NR1I2: variants seen among roughly 807,000 people sequenced by gnomAD.
The protein encoded by NR1I2 is orphan nuclear receptor PAR1.
In NR1I2, 42 loss-of-function variants were observed where a neutral mutation model predicts 43.3. That is an observed-to-expected ratio of 0.97 (90% CI 0.76 to 1.26). The LOEUF (loss-of-function observed/expected upper bound fraction) is 1.26. Among genes scored for constraint, NR1I2 ranks in the 50% most tolerant of loss-of-function variants. The pLI, the probability that NR1I2 is intolerant of heterozygous loss-of-function variation, is 0.00. For synonymous variants in NR1I2, 229 were observed against 215.0 expected, an observed-to-expected ratio of 1.06 and a Z score of -0.57; for missense variants, 559 against 566.7, an observed-to-expected ratio of 0.99 and a Z score of 0.14.
intron 1 of NR1I2, among the ~76,000 whole-genome samples, chr3:119,801,926 G>A (rs899668058): frequency 3.9e-5 from 6 of 152,188 alleles, no homozygotes; most frequent in African/African-American, 1.4e-4. Flanking sequence ...TGGTCTCTTT[G>A]GGTGGTCACT....
chr3:119,818,444 T>C lies in NR1I2; in HGVS notation c.*1232T>C, dbSNP rs3814058. On this transcript the variant is annotated 3_prime_UTR_variant, in exon 9 of 9. Transcript: ENST00000393716. ...GGGAAATGTAGCCCTGGGTTTAATGTCAAATCAAGGCAAAAGGAATTAAAT... is the reference window on the plus strand; with the variant it reads ...GGGAAATGTAGCCCTGGGTTTAATGCCAAATCAAGGCAAAAGGAATTAAAT... The C allele has an allele frequency of 0.2, 193,377 of 983,836 alleles. 22,029 individuals carry two copies. The highest frequency in any genetic ancestry group is 0.49 in the East Asian group (4,265 of 8,780). The allele number at this position is 983,836 out of a possible 1,614,324, so 60.9% of individuals were successfully genotyped here. A position where few individuals can be genotyped will look rare whatever the true frequency, so the allele number is the denominator to read the frequency against.
chr3:119,805,975 T>C (rs1282896851), intron 1 of NR1I2, among the ~76,000 whole-genome samples: 1 of 152,252 alleles, frequency 6.6e-6, no homozygotes, highest in African/African-American at 2.4e-5. Context: ...AGGGCCAGGG[T>C]CAGAGACAGA....
intron 1 of NR1I2, among the ~76,000 whole-genome samples, chr3:119,797,198 G>GTGTGTGTGTGTGTC (rs1189442236): frequency 6.6e-6 from 1 of 150,606 alleles, no homozygotes; most frequent in Admixed American, 6.6e-5. Flanking sequence ...GTGTGTGTGT[G>GTGTGTGTGTGTGTC]TGTGTGTGTG....
chr3:119,817,160 AC>A lies in NR1I2; in HGVS notation c.1257del (p.Phe420LeufsTer63). ...CGGCTGCTGCGCATCCAGGACATAC[AC>A]CCCTTTGCTACGCCCCTCATGCAGG... is the stretch of plus-strand genomic sequence containing the variant. On this transcript the variant is annotated frameshift_variant, in exon 9 of 9. Transcript: ENST00000393716. LOFTEE classifies it high-confidence loss of function. The A allele has an allele frequency of 6.2e-7, 1 of 1,613,834 alleles. No individual in the cohort carries two copies. Among genetic ancestry groups the A allele is most frequent in the Non-Finnish European group, 8.5e-7 (1 of 1,179,970 alleles).
intron 2 of NR1I2, 136 bp downstream of exon 2, chr3:119,807,583 A>G: frequency 1.4e-6 from 1 of 724,794 alleles, no homozygotes; most frequent in South Asian, 1.5e-5. Context: ...AATTAGTCTC[A>G]AGGGAGCCAT....
At chr3:119,804,772 C>T (rs1559787529) in intron 1 of NR1I2, among the ~76,000 whole-genome samples, 1 of 152,120 alleles carries the variant, frequency 6.6e-6, no homozygotes, top group Non-Finnish European at 1.5e-5. Flanking sequence ...TACCATACAT[C>T]TGTGTTTTCT....
Position 119,791,626 on chromosome 3 carries a change from AC to A in NR1I2, c.-23+9328del, listed in dbSNP as rs1433245544. Among the ~76,000 whole-genome samples, 50 of 152,262 alleles carry A rather than the reference AC, an allele frequency of 3.3e-4. 1 individual carries two copies. Among genetic ancestry groups the A allele is most frequent in the Admixed American group, 1.3e-3 (20 of 15,296 alleles). On this transcript the variant is annotated intron_variant, in intron 1 of 8. Coordinates refer to ENST00000393716, the MANE Select transcript of NR1I2 (RefSeq NM_003889.4). ...CTTCCAAATCTCATGTTGAAATATG[AC>A]CTCTAGGCCGGGCTCAGTGGCTCAC...
At chr3:119,796,602 T>G (rs2055003177) in intron 1 of NR1I2, among the ~76,000 whole-genome samples, 1 of 152,136 alleles carries the variant, frequency 6.6e-6, no homozygotes, top group Non-Finnish European at 1.5e-5. Context: ...TTCACACACA[T>G]TTTCTTTCAA....
intron 1 of NR1I2, among the ~76,000 whole-genome samples, chr3:119,804,146 C>G (rs1474857906): frequency 2.6e-5 from 4 of 151,062 alleles, no homozygotes; most frequent in Non-Finnish European, 5.9e-5. Flanking sequence ...CCAAGGTGGG[C>G]AGATAACGAG....
At chr3:119,812,316 T>C (rs993031390) in intron 4 of NR1I2, among the ~76,000 whole-genome samples, 1 of 152,170 alleles carries the variant, frequency 6.6e-6, no homozygotes, top group African/African-American at 2.4e-5. Flanking sequence ...ACCTCAGATC[T>C]GCTCTTCCCA....
intron 1 of NR1I2, among the ~76,000 whole-genome samples, chr3:119,785,492 C>T (rs879002194): frequency 6.6e-6 from 1 of 152,198 alleles, no homozygotes; most frequent in African/African-American, 2.4e-5. Context: ...CTACCCAGAG[C>T]CAAGGCTGAG....
chr3:119,800,492 T>C (rs983392510), intron 1 of NR1I2, among the ~76,000 whole-genome samples: 3 of 152,254 alleles, frequency 2.0e-5, no homozygotes, highest in South Asian at 2.1e-4. Context: ...TACTTTTCCA[T>C]AGATCACAGT....
Position 119,815,801 on chromosome 3 carries a change from T to G in NR1I2, c.1130T>G (p.Ile377Ser). Residue 377 changes from isoleucine to serine, a missense_variant, in exon 8 of 9, where the codon ATT (isoleucine) becomes AGT (serine). By Grantham distance (142) the Ile-to-Ser change is moderately radical. Coordinates refer to ENST00000393716, the MANE Select transcript of NR1I2 (RefSeq NM_003889.4). ...TTCGCCATTACTCTGAAGTCCTACA[T>G]TGAATGCAATCGGCCCCAGCCTGCT... 1.2e-6 allele frequency: 2 copies of G among 1,613,062 alleles called. No individual in the cohort carries two copies. The highest frequency in any genetic ancestry group is 1.7e-6 in the Non-Finnish European group (2 of 1,179,562).
In NR1I2 at chr3:119,818,222, G is replaced by C. The variant is rs759334805; in HGVS notation, c.*1010G>C. The C allele has an allele frequency of 1.0e-6, 1 of 985,592 alleles. No individual in the cohort carries two copies. Among genetic ancestry groups the C allele is most frequent in the Admixed American group, 6.2e-5 (1 of 16,260 alleles). 61.1% of individuals were successfully genotyped at this position (985,592 alleles called of 1,614,324 possible). On this transcript the variant is annotated 3_prime_UTR_variant, in exon 9 of 9. Transcript: ENST00000393716. ...AATGCTGGGTATGCTCTGTGACAAGGCTACGCTGACAATCAGTTAAACACA... is the reference window on the plus strand; with the variant it reads ...AATGCTGGGTATGCTCTGTGACAAGCCTACGCTGACAATCAGTTAAACACA...
At chr3:119,800,312 GT>G (rs1353003465) in intron 1 of NR1I2, among the ~76,000 whole-genome samples, 1 of 152,068 alleles carries the variant, frequency 6.6e-6, no homozygotes, top group Non-Finnish European at 1.5e-5. Flanking sequence ...AATAGTAAGG[GT>G]TTATTTCTTG....
At position 119,812,973 on chromosome 3, in the gene NR1I2, G is replaced by T. The variant is rs541272180; in HGVS notation, c.794+13G>T. ...TCTCCTACTTCAGGTAGGACATGGAGACTGGGTGGTTGGGTGTGGAAAAGA... is the reference window on the plus strand; with the variant it reads ...TCTCCTACTTCAGGTAGGACATGGATACTGGGTGGTTGGGTGTGGAAAAGA... On this transcript the variant is annotated intron_variant, in intron 5 of 8. Coordinates refer to ENST00000393716, the MANE Select transcript of NR1I2 (RefSeq NM_003889.4). The T allele has an allele frequency of 1.9e-6, 3 of 1,611,736 alleles. No individual in the cohort carries two copies. Among genetic ancestry groups the T allele is most frequent in the African/African-American group, 2.7e-5 (2 of 75,070 alleles).
intron 1 of NR1I2, among the ~76,000 whole-genome samples, chr3:119,805,244 G>T (rs4688040): frequency 0.31 from 46,562 of 151,830 alleles, 7,458 homozygotes; most frequent in South Asian, 0.39. Context: ...AGTTTTTTTG[G>T]TTTGTTTTGT....
chr3:119,796,702 T>C (rs2055004474), intron 1 of NR1I2, among the ~76,000 whole-genome samples: 1 of 152,244 alleles, frequency 6.6e-6, no homozygotes, highest in African/African-American at 2.4e-5. Flanking sequence ...GGGCATGCTC[T>C]CCTGGGGGCT....
At chr3:119,816,537 G>A (rs535307827) in intron 8 of NR1I2, among the ~76,000 whole-genome samples, 15 of 152,226 alleles carry the variant, frequency 9.9e-5, no homozygotes, top group African/African-American at 3.4e-4. Flanking sequence ...TGCAACTCCC[G>A]CAGCTGGGTG....
Sources: gnomAD v4.1 joint callset for allele counts (sites outside exome capture counted in the v4.1 genomes callset) on GRCh38, gnomAD v4.1.1 for gene constraint, MANE v1.5 for transcripts, NCBI Gene and HGNC (gene_info 2026-07-23, HGNC 2026-07-21) for gene names.